SLC39A11: variants seen among roughly 807,000 people sequenced by gnomAD.
SLC39A11 encodes zinc transporter ZIP11.
In SLC39A11, 33 loss-of-function variants were observed where a neutral mutation model predicts 36.1. The observed-to-expected ratio is 0.91, with a 90% CI of 0.69 to 1.22. The LOEUF (loss-of-function observed/expected upper bound fraction) is 1.22. Among genes scored for constraint, SLC39A11 ranks in the 50% most tolerant of loss-of-function variants. SLC39A11 has a pLI of 0.00. For synonymous variants in SLC39A11, 166 were observed against 170.3 expected, an observed-to-expected ratio of 0.97 and a Z score of 0.20; for missense variants, 432 against 430.3, an observed-to-expected ratio of 1.00 and a Z score of -0.03.
intron 7 of SLC39A11, among the ~76,000 whole-genome samples, chr17:72,649,558 G>A (rs920442273): frequency 6.6e-6 from 1 of 152,190 alleles, no homozygotes; most frequent in Non-Finnish European, 1.5e-5. Flanking sequence ...GGCTCTCAGG[G>A]TGCCCTGAGT....
At chr17:72,734,145 T>C (rs1441543807) in intron 7 of SLC39A11, among the ~76,000 whole-genome samples, 4 of 152,120 alleles carry the variant, frequency 2.6e-5, no homozygotes, top group East Asian at 3.9e-4. Context: ...TGAAATCCTA[T>C]GTGTAGTGTG....
At chr17:72,881,617 AT>A (rs981428109) in intron 5 of SLC39A11, among the ~76,000 whole-genome samples, 2 of 151,794 alleles carry the variant, frequency 1.3e-5, no homozygotes, top group East Asian at 1.9e-4. Flanking sequence ...TAAAATTTTT[AT>A]TTTTTTTTAC....
intron 5 of SLC39A11, among the ~76,000 whole-genome samples, chr17:72,930,992 C>A (rs2084360552): frequency 6.6e-6 from 1 of 152,180 alleles, no homozygotes; most frequent in African/African-American, 2.4e-5. Context: ...CCAGGAAATG[C>A]TGCACTGGGG....
rs145603389 is a variant in SLC39A11 at position 72,927,581 on chromosome 17, C to T, written c.430+20171G>A. On this transcript the variant is annotated intron_variant, in intron 5 of 9. Coordinates refer to ENST00000255559, the MANE Select transcript of SLC39A11 (RefSeq NM_139177.4). ...TGGAGTATCTCAAATATTTCAGTAG[C>T]GAAAATTCAAAGACAAGGACCAGCA... Among the ~76,000 whole-genome samples, 199 of 152,186 alleles carry T rather than the reference C, an allele frequency of 1.3e-3. 3 individuals carry two copies. In the East Asian group the frequency reaches 0.029, roughly 22 times the overall value.
Position 72,678,106 on chromosome 17 carries a change from T to G in SLC39A11, c.672-28838A>C, listed in dbSNP as rs577554918. ...ATGGCATTTTGGGCATACAAAAAAT[T>G]TATAACTTTCCTGAGCTCACAGCAA... On this transcript the variant is annotated intron_variant, in intron 7 of 9. Coordinates refer to ENST00000255559, the MANE Select transcript of SLC39A11 (RefSeq NM_139177.4). Among the ~76,000 whole-genome samples the G allele has an allele frequency of 2.0e-5, 3 of 152,214 alleles. No individual in the cohort carries two copies. In the East Asian group the frequency reaches 5.8e-4, roughly 29 times the overall value.
At chr17:72,805,324 A>AGCTCAAGCTTG (rs968587619) in intron 6 of SLC39A11, among the ~76,000 whole-genome samples, 1 of 152,152 alleles carries the variant, frequency 6.6e-6, no homozygotes, top group Non-Finnish European at 1.5e-5. Flanking sequence ...AAGGAATAGT[A>AGCTCAAGCTTG]GCTCAAGCTT....
intron 6 of SLC39A11, among the ~76,000 whole-genome samples, chr17:72,738,977 AC>A (rs1390707031): frequency 6.6e-6 from 1 of 152,150 alleles, no homozygotes; most frequent in Admixed American, 6.5e-5. Context: ...CTCCAGCTCA[AC>A]AAGAGTCCGC....
intron 3 of SLC39A11, among the ~76,000 whole-genome samples, chr17:73,056,120 C>T (rs1320478418): frequency 6.6e-6 from 1 of 152,074 alleles, no homozygotes; most frequent in Non-Finnish European, 1.5e-5. Context: ...ATCTTCCCCA[C>T]AGAGCCCCGA....
rs548332448 is a variant in SLC39A11, at chr17:72,716,543, T to C, written c.671+20107A>G. Among the ~76,000 whole-genome samples, 3 of 150,184 alleles carry C rather than the reference T, an allele frequency of 2.0e-5. No homozygotes were observed. In the East Asian group the frequency reaches 5.9e-4, roughly 29 times the overall value. On this transcript the variant is annotated intron_variant, in intron 7 of 9. Coordinates refer to ENST00000255559, the MANE Select transcript of SLC39A11 (RefSeq NM_139177.4). The stretch of plus-strand genomic sequence containing the variant: ...AAGCCGCCGCTCTTCTCCAAGTTGG[T>C]CCAGACTGAACTGAGAGAGTATAAG...
chr17:73,084,199 A>C (rs2060639456), intron 3 of SLC39A11, among the ~76,000 whole-genome samples: 1 of 152,068 alleles, frequency 6.6e-6, no homozygotes, highest in South Asian at 2.1e-4. Flanking sequence ...GCACTTTTGG[A>C]GGCCTAGGCA....
intron 7 of SLC39A11, among the ~76,000 whole-genome samples, chr17:72,716,070 G>A (rs79568697): frequency 0.043 from 6,495 of 151,972 alleles, 192 homozygotes; most frequent in Middle Eastern, 0.13. Flanking sequence ...CCTAACTCCC[G>A]CCCTCGTTCT....
At chr17:72,797,311 C>T (rs573980021) in intron 6 of SLC39A11, among the ~76,000 whole-genome samples, 1 of 152,086 alleles carries the variant, frequency 6.6e-6, no homozygotes, top group East Asian at 1.9e-4. Context: ...CAATACGGAG[C>T]CTCTGCAGGG....
At chr17:72,873,306 A>C (rs1460860761) in intron 5 of SLC39A11, among the ~76,000 whole-genome samples, 1 of 152,104 alleles carries the variant, frequency 6.6e-6, no homozygotes, top group East Asian at 1.9e-4. Flanking sequence ...GATTCTGCAC[A>C]AGAAGATAGC....
At chr17:72,892,308 G>A (rs2081795032) in intron 5 of SLC39A11, among the ~76,000 whole-genome samples, 1 of 151,568 alleles carries the variant, frequency 6.6e-6, no homozygotes, top group Non-Finnish European at 1.5e-5. Context: ...TATTCAAGAG[G>A]CTGAGGTAGG....
At chr17:72,649,474 C>T (rs2069743062) in intron 7 of SLC39A11, among the ~76,000 whole-genome samples, 1 of 152,184 alleles carries the variant, frequency 6.6e-6, no homozygotes, top group Admixed American at 6.5e-5. Context: ...GAGCCCTCTA[C>T]CCATCATGCT....
chr17:72,797,875 C>G (rs965897749), intron 6 of SLC39A11, among the ~76,000 whole-genome samples: 3 of 152,112 alleles, frequency 2.0e-5, no homozygotes, highest in Admixed American at 1.3e-4. Context: ...AAGGGGAAGT[C>G]TAGAAGAAGG....
At chr17:72,847,644 C>A (rs1204437720) in intron 6 of SLC39A11, among the ~76,000 whole-genome samples, 1 of 151,966 alleles carries the variant, frequency 6.6e-6, no homozygotes, top group African/African-American at 2.4e-5. Context: ...GTGCTTTCGG[C>A]AGATTTAATA....
In SLC39A11 at chr17:72,810,087, A is replaced by C. The variant is rs903824146; in HGVS notation, c.601+39547T>G. 1.6e-3 allele frequency among the ~76,000 whole-genome samples: 228 copies of C among 142,868 alleles called. 1 individual carries two copies. Among genetic ancestry groups the C allele is most frequent in the Middle Eastern group, 3.5e-3 (1 of 288 alleles). 93.7% of individuals were successfully genotyped at this position (142,868 alleles called of 152,430 possible). ...TCAAAAACAAAAACAAAAACAACAAAAAAAAAAAAAAAGAAAAGAAAATGA... is the reference window on the plus strand; with the variant it reads ...TCAAAAACAAAAACAAAAACAACAACAAAAAAAAAAAAGAAAAGAAAATGA... On this transcript the variant is annotated intron_variant, in intron 6 of 9. Coordinates refer to ENST00000255559, the MANE Select transcript of SLC39A11 (RefSeq NM_139177.4).
chr17:72,753,588 C>G (rs2075238690), intron 6 of SLC39A11, among the ~76,000 whole-genome samples: 1 of 152,094 alleles, frequency 6.6e-6, no homozygotes, highest in Non-Finnish European at 1.5e-5. Flanking sequence ...GTCTCCTGGG[C>G]TCCCTGTTTT....
Sources: allele counts gnomAD v4.1 joint callset (sites outside exome capture counted in the v4.1 genomes callset), GRCh38; gene constraint gnomAD v4.1.1; transcripts MANE v1.5; gene names NCBI Gene and HGNC (gene_info 2026-07-23, HGNC 2026-07-21).